Variants in TMEM132B observed in about 807,000 individuals in gnomAD.
The protein encoded by TMEM132B is transmembrane protein 132B.
A neutral mutation model predicts 90.8 loss-of-function variants in TMEM132B; 18 were observed. The observed-to-expected ratio is 0.20, with a 90% CI of 0.14 to 0.29. TMEM132B has a LOEUF of 0.29. Ranked by LOEUF, TMEM132B falls within the 10% of genes least tolerant of loss-of-function variation. The pLI is 1.00. For synonymous variants in TMEM132B, 504 were observed against 523.3 expected, an observed-to-expected ratio of 0.96 and a Z score of 0.50; for missense variants, 1,096 against 1,326.8, an observed-to-expected ratio of 0.83 and a Z score of 2.70.
chr12:125,259,067 G>C (rs530834095), intron 1 of TMEM132B, among the ~76,000 whole-genome samples: 2 of 152,238 alleles, frequency 1.3e-5, no homozygotes, highest in South Asian at 4.1e-4. Context: ...GATGTTCCAA[G>C]AAGAGGGAAA....
intron 6 of TMEM132B, among the ~76,000 whole-genome samples, chr12:125,645,981 C>T (rs1018142452): frequency 1.1e-4 from 16 of 152,146 alleles, no homozygotes; most frequent in African/African-American, 2.9e-4. Context: ...TTAGTAGAAA[C>T]GTGGGTGTTA....
At chr12:125,437,113 C>T (rs1023340668) in intron 3 of TMEM132B, among the ~76,000 whole-genome samples, 1 of 152,126 alleles carries the variant, frequency 6.6e-6, no homozygotes, top group Admixed American at 6.5e-5. Flanking sequence ...ACCTAAAATT[C>T]AAGACAGATG....
chr12:125,484,676 G>A (rs998424862), intron 3 of TMEM132B, among the ~76,000 whole-genome samples: 11 of 152,052 alleles, frequency 7.2e-5, no homozygotes, highest in African/African-American at 2.7e-4. Context: ...TGTCACCCAG[G>A]CTGGAGTGCA....
chr12:125,434,863 C>T (rs550466233), intron 3 of TMEM132B, among the ~76,000 whole-genome samples: 2 of 152,310 alleles, frequency 1.3e-5, no homozygotes, highest in East Asian at 1.9e-4. Context: ...TGGTCTGATG[C>T]AGCGGGGTCA....
intron 1 of TMEM132B, among the ~76,000 whole-genome samples, chr12:125,299,470 C>T (rs556369483): frequency 1.3e-5 from 2 of 152,312 alleles, no homozygotes; most frequent in Non-Finnish European, 2.9e-5. Flanking sequence ...GGATGGCTGC[C>T]TCCAGTCTGC....
chr12:125,616,320 A>G (rs1392277839), intron 5 of TMEM132B, among the ~76,000 whole-genome samples: 1 of 151,894 alleles, frequency 6.6e-6, no homozygotes, highest in African/African-American at 2.4e-5. Context: ...ACACTTTTAT[A>G]CCGTCTCGAG....
At chr12:125,383,920 A>G (rs1338130744) in intron 2 of TMEM132B, among the ~76,000 whole-genome samples, 1 of 152,162 alleles carries the variant, frequency 6.6e-6, no homozygotes, top group Non-Finnish European at 1.5e-5. Context: ...AAAGGGTTGA[A>G]AAAGATTAGA....
Position 125,459,899 on chromosome 12 carries a change from G to A in TMEM132B, c.1106+44222G>A, listed in dbSNP as rs1398384187. ...ATGAGATCTGATGATTTTATAAGGG[G>A]TTTCCCCTTTCTCTTGGCTCTCATT... On this transcript the variant is annotated intron_variant, in intron 3 of 8. Transcript: ENST00000682704. The surrounding 1 kb of genome is among the most constrained non-coding windows in gnomAD (Gnocchi z 4.1). Among the ~76,000 whole-genome samples the A allele has an allele frequency of 6.6e-6, 1 of 152,176 alleles. No homozygotes were observed. The highest frequency in any genetic ancestry group is 1.5e-5 in the Non-Finnish European group (1 of 68,028).
intron 4 of TMEM132B, among the ~76,000 whole-genome samples, chr12:125,548,590 C>T (rs1293073109): frequency 6.6e-6 from 1 of 152,208 alleles, no homozygotes; most frequent in Non-Finnish European, 1.5e-5. Flanking sequence ...ATTCCAGGAA[C>T]AGGCGAAAGG....
intron 1 of TMEM132B, among the ~76,000 whole-genome samples, chr12:125,236,252 T>G (rs1294062703): frequency 6.6e-6 from 1 of 151,578 alleles, no homozygotes; most frequent in Non-Finnish European, 1.5e-5. Context: ...TTCAAGTGAT[T>G]CTTGTGCCTC....
intron 2 of TMEM132B, among the ~76,000 whole-genome samples, chr12:125,368,001 CTT>C (rs975326872): frequency 4.6e-5 from 7 of 151,840 alleles, no homozygotes; most frequent in African/African-American, 1.7e-4. Flanking sequence ...AGCTATATCT[CTT>C]TGCATGTTTA....
chr12:125,545,032 TG>T (rs1884052927), intron 4 of TMEM132B, among the ~76,000 whole-genome samples: 1 of 152,136 alleles, frequency 6.6e-6, no homozygotes, highest in Non-Finnish European at 1.5e-5. Flanking sequence ...GCTTGTTTCA[TG>T]GGGGAGAGAG....
At chr12:125,322,115 G>A (rs424494) in intron 1 of TMEM132B, among the ~76,000 whole-genome samples, 4,795 of 152,302 alleles carry the variant, frequency 0.031, 287 homozygotes, top group African/African-American at 0.11. Context: ...TTGAATTATA[G>A]CTCTCATAAT....
At chr12:125,369,317 T>A (rs1485136331) in intron 2 of TMEM132B, among the ~76,000 whole-genome samples, 2 of 152,252 alleles carry the variant, frequency 1.3e-5, no homozygotes, top group Non-Finnish European at 2.9e-5. Flanking sequence ...TTGTGAATAG[T>A]GCTGCAGTAA....
chr12:125,463,293 C>T (rs1265988852), intron 3 of TMEM132B, among the ~76,000 whole-genome samples: 4 of 152,096 alleles, frequency 2.6e-5, no homozygotes, highest in Non-Finnish European at 4.4e-5. Context: ...AGTAGGAACT[C>T]GCATTGTGGT....
intron 4 of TMEM132B, among the ~76,000 whole-genome samples, chr12:125,536,790 A>C (rs1345768215): frequency 6.6e-6 from 1 of 152,110 alleles, no homozygotes; most frequent in Non-Finnish European, 1.5e-5. Flanking sequence ...ACCTGTGGAT[A>C]TGTTTCCTCA....
intron 1 of TMEM132B, among the ~76,000 whole-genome samples, chr12:125,218,132 A>T (rs1438995521): frequency 6.6e-6 from 1 of 152,162 alleles, no homozygotes; most frequent in African/African-American, 2.4e-5. Context: ...AGGTGGAGCA[A>T]CACCCTAAGG....
At chr12:125,322,051 G>T (rs1320253568) in intron 1 of TMEM132B, among the ~76,000 whole-genome samples, 4 of 152,170 alleles carry the variant, frequency 2.6e-5, no homozygotes, top group Non-Finnish European at 5.9e-5. Context: ...GGGCACAAAG[G>T]TCTTCATACT....
chr12:125,549,513 C>T (rs1197211354), intron 4 of TMEM132B, among the ~76,000 whole-genome samples: 2 of 152,212 alleles, frequency 1.3e-5, no homozygotes, highest in Non-Finnish European at 2.9e-5. Flanking sequence ...TCTCTCTGCT[C>T]ACTGGGAACA....
Sources: allele counts gnomAD v4.1 joint callset (sites outside exome capture counted in the v4.1 genomes callset), GRCh38; gene constraint gnomAD v4.1.1; non-coding constraint Gnocchi (gnomAD v3.1); transcripts MANE v1.5; gene names NCBI Gene and HGNC (gene_info 2026-07-23, HGNC 2026-07-21).